Variants in ARHGAP24 observed in about 807,000 individuals in gnomAD.
The protein encoded by ARHGAP24 is rho GTPase-activating protein 24.
A neutral mutation model predicts 76.4 loss-of-function variants in ARHGAP24; 50 were observed. The observed-to-expected ratio is 0.65, with a 90% CI of 0.52 to 0.83. The LOEUF (loss-of-function observed/expected upper bound fraction) is 0.83, where lower values mean the gene tolerates loss of function less well. Among genes scored for constraint, ARHGAP24 ranks in the 40% least tolerant of loss-of-function variants. ARHGAP24 has a pLI of 0.00. For synonymous variants in ARHGAP24, 345 were observed against 323.3 expected, an observed-to-expected ratio of 1.07 and a Z score of -0.72; for missense variants, 930 against 914.2, an observed-to-expected ratio of 1.02 and a Z score of -0.22.
chr4:85,707,562 C>T (rs1724365609), intron 2 of ARHGAP24, among the ~76,000 whole-genome samples: 1 of 152,082 alleles, frequency 6.6e-6, no homozygotes, highest in African/African-American at 2.4e-5. Context: ...TCTGGATAAA[C>T]ACATAGGTAA....
At chr4:85,626,676 A>G (rs1431139336) in intron 2 of ARHGAP24, among the ~76,000 whole-genome samples, 1 of 152,150 alleles carries the variant, frequency 6.6e-6, no homozygotes, top group African/African-American at 2.4e-5. Context: ...AGTGTTTTCC[A>G]ACTTGGTTCC....
At chr4:85,830,845 C>G (rs1045005774) in intron 3 of ARHGAP24, among the ~76,000 whole-genome samples, 15 of 152,122 alleles carry the variant, frequency 9.9e-5, no homozygotes, top group African/African-American at 3.6e-4. Context: ...GACTTGGGAG[C>G]TGGAGTAGGA....
intron 5 of ARHGAP24, among the ~76,000 whole-genome samples, chr4:85,962,456 C>T (rs1379027927): frequency 6.6e-6 from 1 of 151,972 alleles, no homozygotes; most frequent in African/African-American, 2.4e-5. Flanking sequence ...TCACCTCTCT[C>T]AAACTAGTCG....
At chr4:85,930,072 C>A (rs567289913) in intron 4 of ARHGAP24, among the ~76,000 whole-genome samples, 1 of 152,190 alleles carries the variant, frequency 6.6e-6, no homozygotes, top group African/African-American at 2.4e-5. Context: ...ATGTGACCGG[C>A]GGGCACTGGA....
At chr4:85,527,336 G>C (rs1725049617) in intron 1 of ARHGAP24, among the ~76,000 whole-genome samples, 1 of 152,096 alleles carries the variant, frequency 6.6e-6, no homozygotes, top group Admixed American at 6.6e-5. Context: ...TTGGATGTCA[G>C]TTATGTCAAA....
intron 5 of ARHGAP24, 145 bp from the exon 6 acceptor site, chr4:85,971,891 C>A: frequency 8.9e-7 from 1 of 1,121,140 alleles, no homozygotes; most frequent in Non-Finnish European, 1.3e-6. Context: ...ATAGGCATCA[C>A]ATAAATGAGT....
chr4:85,480,809 A>G (rs920299119), intron 1 of ARHGAP24, among the ~76,000 whole-genome samples: 2 of 152,158 alleles, frequency 1.3e-5, no homozygotes, highest in African/African-American at 2.4e-5. Context: ...AGTTCTTTTC[A>G]ATATGTGTAT....
chr4:85,664,319 C>G (rs1295517266), intron 2 of ARHGAP24, among the ~76,000 whole-genome samples: 1 of 150,998 alleles, frequency 6.6e-6, no homozygotes, highest in African/African-American at 2.5e-5. Flanking sequence ...GTAGTATTCT[C>G]TGATGATAGT....
At chr4:85,896,000 A>G (rs1219996463) in intron 3 of ARHGAP24, among the ~76,000 whole-genome samples, 1 of 152,238 alleles carries the variant, frequency 6.6e-6, no homozygotes, top group African/African-American at 2.4e-5. Context: ...ACTTCGCCAT[A>G]AAGTTAATGG....
At chr4:85,991,716 A>G (rs1740337901) in intron 8 of ARHGAP24, 1 of 154,964 alleles carries the variant, frequency 6.5e-6, no homozygotes, top group Admixed American at 6.5e-5. Context: ...AACTGACTCC[A>G]AAGAGGCATA....
chr4:85,729,728 A>G (rs77299964), intron 3 of ARHGAP24, among the ~76,000 whole-genome samples: 5,014 of 152,304 alleles, frequency 0.033, 251 homozygotes, highest in African/African-American at 0.11. Context: ...GCGAAAACAA[A>G]TGGATGTGGC....
At chr4:85,610,392 C>A (rs1229259639) in intron 2 of ARHGAP24, among the ~76,000 whole-genome samples, 3 of 130,752 alleles carry the variant, frequency 2.3e-5, no homozygotes, top group Non-Finnish European at 4.7e-5. Flanking sequence ...TTCAGTGAGC[C>A]GAGATCCTGC....
intron 2 of ARHGAP24, among the ~76,000 whole-genome samples, chr4:85,690,209 C>T (rs34868396): frequency 0.042 from 6,323 of 150,528 alleles, 146 homozygotes; most frequent in Middle Eastern, 0.12. Context: ...CATTGATATT[C>T]TTCAGAGATA....
At chr4:85,643,235 T>TG (rs1491456068) in intron 2 of ARHGAP24, among the ~76,000 whole-genome samples, 3 of 2,626 alleles carry the variant, frequency 1.1e-3, no homozygotes, top group African/African-American at 1.8e-3. Flanking sequence ...TTTTTTTGTG[T>TG]TTTTTTTTTT....
At chr4:86,000,213 C>A (rs1042940744) in intron 9 of ARHGAP24, 2 of 365,886 alleles carry the variant, frequency 5.5e-6, no homozygotes, top group South Asian at 2.3e-5. Flanking sequence ...TGCTGGCATT[C>A]ACTTATTTAC....
chr4:85,555,329 T>C (rs2101119), intron 1 of ARHGAP24, among the ~76,000 whole-genome samples: 125,342 of 152,084 alleles, frequency 0.82, 54,068 homozygotes, highest in East Asian at 0.98. Context: ...AGGATGTTTT[T>C]GGAGGGTTGA....
At chr4:85,646,834 T>C (rs752893628) in intron 2 of ARHGAP24, among the ~76,000 whole-genome samples, 24 of 152,140 alleles carry the variant, frequency 1.6e-4, no homozygotes, top group Non-Finnish European at 2.6e-4. Context: ...CTCCTTAATA[T>C]GTGGTTTGAT....
intron 2 of ARHGAP24, among the ~76,000 whole-genome samples, chr4:85,717,082 T>A (rs1560599184): frequency 6.6e-6 from 1 of 152,064 alleles, no homozygotes; most frequent in Non-Finnish European, 1.5e-5. Context: ...ACAGAGAATA[T>A]CTATCGTATT....
At chr4:85,772,164 G>A (rs16995986) in intron 3 of ARHGAP24, among the ~76,000 whole-genome samples, 143,889 of 152,292 alleles carry the variant, frequency 0.94, 68,533 homozygotes, top group East Asian at 1. Flanking sequence ...TTGCTCTAAA[G>A]CCCGTGACCT....
Sources: allele counts gnomAD v4.1 joint callset (sites outside exome capture counted in the v4.1 genomes callset), GRCh38; gene constraint gnomAD v4.1.1; transcripts MANE v1.5; gene names NCBI Gene and HGNC (gene_info 2026-07-23, HGNC 2026-07-21).